MYO1H: variants seen among roughly 807,000 people sequenced by gnomAD.
MYO1H encodes the protein unconventional myosin-Ih.
In MYO1H, 118 loss-of-function variants were observed where a neutral mutation model predicts 149.3. The observed-to-expected ratio is 0.79, with a 90% CI of 0.68 to 0.92. The LOEUF (loss-of-function observed/expected upper bound fraction) is 0.92. Ranked by LOEUF, MYO1H falls within the 40% of genes least tolerant of loss-of-function variation. MYO1H has a pLI of 0.00. For synonymous variants in MYO1H, 447 were observed against 465.2 expected, an observed-to-expected ratio of 0.96 and a Z score of 0.50; for missense variants, 1,212 against 1,280.7, an observed-to-expected ratio of 0.95 and a Z score of 0.82.
At chr12:109,386,404 C>T (rs1869312643) in intron 1 of MYO1H, among the ~76,000 whole-genome samples, 2 of 152,202 alleles carry the variant, frequency 1.3e-5, no homozygotes, top group South Asian at 2.1e-4. Context: ...AGAATAGAGG[C>T]ATGGTTAACT....
At chr12:109,411,952 A>T in exon 14 of MYO1H, 6 of 1,605,158 alleles carry the variant, frequency 3.7e-6, no homozygotes, top group Non-Finnish European at 5.1e-6. Context: ...GAGAAATTGG[A>T]AGAGAAAGTG....
intron 1 of MYO1H, among the ~76,000 whole-genome samples, chr12:109,363,830 A>G (rs1455296323): frequency 6.6e-6 from 1 of 152,138 alleles, no homozygotes; most frequent in African/African-American, 2.4e-5. Context: ...ATAGGGTAAC[A>G]TAGCAAGACG....
intron 14 of MYO1H, among the ~76,000 whole-genome samples, chr12:109,415,205 G>C (rs1197874233): frequency 6.6e-6 from 1 of 152,064 alleles, no homozygotes; most frequent in African/African-American, 2.4e-5. Flanking sequence ...GGCCAGGCAC[G>C]GTGGCTTAGG....
intron 10 of MYO1H, among the ~76,000 whole-genome samples, chr12:109,409,206 T>C (rs4766596): frequency 0.25 from 36,395 of 148,550 alleles, 5,419 homozygotes; most frequent in East Asian, 0.39. Flanking sequence ...TCCTTCTCCT[T>C]CTTCTTCTCC....
intron 6 of MYO1H, among the ~76,000 whole-genome samples, chr12:109,403,216 A>C (rs1870238513): frequency 6.6e-6 from 1 of 152,186 alleles, no homozygotes; most frequent in Admixed American, 6.5e-5. Context: ...TTTAGGGTAC[A>C]TGTGCACAAC....
At chr12:109,360,943 G>C (rs949149480) in intron 1 of MYO1H, among the ~76,000 whole-genome samples, 1 of 152,160 alleles carries the variant, frequency 6.6e-6, no homozygotes, top group African/African-American at 2.4e-5. Flanking sequence ...CACAACTCAC[G>C]TCTGTCAAGT....
At chr12:109,424,111 T>C (rs536961159) in intron 16 of MYO1H, among the ~76,000 whole-genome samples, 1 of 152,342 alleles carries the variant, frequency 6.6e-6, no homozygotes, top group East Asian at 1.9e-4. Context: ...ACACTGTATG[T>C]GTGGTTTTGC....
At chr12:109,404,448 C>T (rs1488438425) in intron 7 of MYO1H, among the ~76,000 whole-genome samples, 1 of 152,244 alleles carries the variant, frequency 6.6e-6, no homozygotes, top group East Asian at 1.9e-4. Context: ...TGCCACTGCA[C>T]TCCAGCCTGG....
At chr12:109,319,105 CA>C in the MYO1H span, among the ~76,000 whole-genome samples, 1 of 150,528 alleles carries the variant, frequency 6.6e-6, no homozygotes, top group Non-Finnish European at 1.5e-5. Flanking sequence ...AGCAGGATCT[CA>C]AAGAGATATT....
chr12:109,397,622 C>A, intron 4 of MYO1H, 110 bp from the exon 5 acceptor site: 1 of 730,736 alleles, frequency 1.4e-6, no homozygotes, highest in Non-Finnish European at 2.1e-6. Flanking sequence ...TCCTCCCTGG[C>A]TCCTTCCGCT....
At chr12:109,392,435 C>G (rs936911344) in intron 2 of MYO1H, among the ~76,000 whole-genome samples, 7 of 152,134 alleles carry the variant, frequency 4.6e-5, no homozygotes, top group Non-Finnish European at 1.0e-4. Context: ...TTAAAGAAGT[C>G]TTCCCGGCCA....
At chr12:109,341,259 A>C in the MYO1H span, among the ~76,000 whole-genome samples, 1 of 149,358 alleles carries the variant, frequency 6.7e-6, no homozygotes, top group Non-Finnish European at 1.5e-5. Flanking sequence ...TTTTCACAGC[A>C]CATTCCAGAA....
chr12:109,419,820 C>A (rs1871092684), intron 15 of MYO1H, among the ~76,000 whole-genome samples: 1 of 151,518 alleles, frequency 6.6e-6, no homozygotes, highest in African/African-American at 2.4e-5. Flanking sequence ...CTCAGCCTTC[C>A]AAAGTGCTGG....
At chr12:109,393,539 TCATC>T (rs71079557) in intron 3 of MYO1H, 93 bp downstream of exon 3, 8,081 of 668,020 alleles carry the variant, frequency 0.012, 242 homozygotes, top group African/African-American at 0.093. Flanking sequence ...GTCCATCCAT[TCATC>T]CATCCATCCA....
exon 5 of MYO1H, chr12:109,397,742 A>G (rs756102557): frequency 5.0e-6 from 8 of 1,610,010 alleles, no homozygotes; most frequent in Non-Finnish European, 5.9e-6. Context: ...GCTTTTGGAA[A>G]TGCCAGAACG....
chr12:109,444,559 T>C, intron 30 of MYO1H, 30 bp downstream of exon 30: 1 of 1,535,204 alleles, frequency 6.5e-7, no homozygotes, highest in Non-Finnish European at 9.0e-7. Context: ...GCTCAGGAAG[T>C]AATTCAATGT....
intron 27 of MYO1H, among the ~76,000 whole-genome samples, chr12:109,443,174 A>ATATGTGTGTATATGTGTACGTATG (rs1555255619): frequency 2.6e-5 from 3 of 115,590 alleles, no homozygotes; most frequent in East Asian, 4.5e-4. Context: ...ATGTGTACGT[A>ATATGTGTGTATATGTGTACGTATG]TGTGTGTATA....
chr12:109,330,524 G>A, the MYO1H span, among the ~76,000 whole-genome samples: 3 of 152,094 alleles, frequency 2.0e-5, no homozygotes, highest in Non-Finnish European at 4.4e-5. Context: ...TAAGGGCTTC[G>A]TAAGCTTGAG....
At chr12:109,351,433 T>C (rs1169226937) in intron 1 of MYO1H, among the ~76,000 whole-genome samples, 3 of 152,224 alleles carry the variant, frequency 2.0e-5, no homozygotes, top group Non-Finnish European at 2.9e-5. Flanking sequence ...CAGACACTTA[T>C]GACAATATTT....
Sources: allele counts gnomAD v4.1 joint callset (sites outside exome capture counted in the v4.1 genomes callset), GRCh38; gene constraint gnomAD v4.1.1; transcripts MANE v1.5; gene names NCBI Gene and HGNC (gene_info 2026-07-23, HGNC 2026-07-21).